KCNK10: variants seen among roughly 807,000 people sequenced by gnomAD.
KCNK10 encodes potassium channel subfamily K member 10.
A neutral mutation model predicts 47.7 loss-of-function variants in KCNK10; 25 were observed. That is an observed-to-expected ratio of 0.52 (90% confidence interval 0.38 to 0.73). The LOEUF (loss-of-function observed/expected upper bound fraction) is 0.73, where lower values mean the gene tolerates loss of function less well. KCNK10 is among the 30% of genes least tolerant of loss of function. The pLI is 0.00. For missense variants in KCNK10, 563 were observed against 714.5 expected (o/e 0.79, Z 2.42); for synonymous variants, 303 against 285.6 (o/e 1.06, Z -0.61).
intron 4 of KCNK10, among the ~76,000 whole-genome samples, chr14:88,195,050 T>C (rs577714898): frequency 8.6e-5 from 13 of 151,708 alleles, no homozygotes; most frequent in Non-Finnish European, 1.6e-4. Flanking sequence ...GTTGCCTTAA[T>C]TGAACATTTT....
At chr14:88,193,586 T>C (rs1884818454) in intron 4 of KCNK10, among the ~76,000 whole-genome samples, 1 of 152,200 alleles carries the variant, frequency 6.6e-6, no homozygotes, top group Non-Finnish European at 1.5e-5. Flanking sequence ...TCTGCAAACG[T>C]ACACCACATT....
rs1163487185 is a variant in KCNK10 at position 88,185,998 on chromosome 14, C to A, written c.1169G>T (p.Arg390Leu). The change falls in exon 7 of 7, where the codon CGG becomes CTG. Residue 390 changes from arginine (R) to leucine (L), a missense_variant. Transcript: ENST00000319231. The surrounding 1 kb of genome is among the most constrained non-coding windows in gnomAD (Gnocchi z 4.3). Reference protein sequence around the residue: ...MERRRLGLDQRAHSLDMLSPE... With the variant: ...MERRRLGLDQLAHSLDMLSPE... ...GGACAGCATGTCCAGTGAGTGGGCC[C>A]GCTGGTCCAGGCCCAGCCGCCGGCG... is the stretch of plus-strand genomic sequence containing the variant. 6.2e-7 allele frequency: 1 copy of A among 1,613,532 alleles called. No homozygotes were observed. Among genetic ancestry groups the A allele is most frequent in the Non-Finnish European group, 8.5e-7 (1 of 1,179,956 alleles).
At chr14:88,293,118 G>T (rs1595125645) in intron 1 of KCNK10, among the ~76,000 whole-genome samples, 1 of 152,352 alleles carries the variant, frequency 6.6e-6, no homozygotes, top group East Asian at 1.9e-4. Context: ...GAAGGTAGGA[G>T]TTGAAGATAA....
upstream of KCNK10, chr14:88,326,595 CAA>C (rs1426871205): frequency 1.5e-6 from 1 of 667,546 alleles, no homozygotes; most frequent in Non-Finnish European, 2.6e-6. Context: ...CATCGTGGCG[CAA>C]AGTCTCCCTG....
At chr14:88,324,042 C>G (rs1653418756), upstream of KCNK10, among the ~76,000 whole-genome samples, 1 of 152,178 alleles carries the variant, frequency 6.6e-6, no homozygotes, top group Non-Finnish European at 1.5e-5. Flanking sequence ...TGCAGCCGGA[C>G]TGGGGCCGCT....
chr14:88,287,383 T>C (rs1031239301), intron 1 of KCNK10, among the ~76,000 whole-genome samples: 2 of 152,178 alleles, frequency 1.3e-5, no homozygotes, highest in East Asian at 1.9e-4. Flanking sequence ...GACTAAGCTC[T>C]TTAGTGGTGA....
intron 4 of KCNK10, among the ~76,000 whole-genome samples, chr14:88,207,358 A>G (rs1158224165): frequency 6.6e-6 from 1 of 151,794 alleles, no homozygotes; most frequent in Non-Finnish European, 1.5e-5. Flanking sequence ...TATTTTTTAG[A>G]GGAGACGGGG....
At chr14:88,258,627 C>T (rs1484524260) in intron 2 of KCNK10, among the ~76,000 whole-genome samples, 1 of 152,154 alleles carries the variant, frequency 6.6e-6, no homozygotes, top group African/African-American at 2.4e-5. Flanking sequence ...TGGCATGTTA[C>T]CTGATACATG....
intron 1 of KCNK10, among the ~76,000 whole-genome samples, chr14:88,311,165 T>C (rs1272382329): frequency 6.6e-6 from 1 of 152,156 alleles, no homozygotes; most frequent in Non-Finnish European, 1.5e-5. Flanking sequence ...CCTACAAGAA[T>C]ACACAGATAC....
intron 4 of KCNK10, among the ~76,000 whole-genome samples, chr14:88,202,235 C>T (rs1885124940): frequency 6.6e-6 from 1 of 152,194 alleles, no homozygotes; most frequent in Admixed American, 6.5e-5. Context: ...AATGATACTG[C>T]CATAGGTCGC....
chr14:88,240,778 T>G lies in KCNK10; in HGVS notation c.445A>C (p.Asn149His). 2 of 1,613,862 alleles carry G rather than the reference T, an allele frequency of 1.2e-6. No individual in the cohort carries two copies. Among genetic ancestry groups the G allele is most frequent in the Non-Finnish European group, 1.7e-6 (2 of 1,179,804 alleles). ...CAGTGGCTGCTGTTGTTGGAAGAGT[T>G]TCCTATTGGACTGACTCCCGCATTG... The part of the protein sequence containing the change: ...ADNAGVSPIG[N>H]SSNNSSHWDL... Residue 149 changes from asparagine to histidine, a missense_variant, in exon 3 of 7, where the codon AAC becomes CAC. Asn to His is a moderately conservative substitution (Grantham distance 68). Coordinates refer to ENST00000319231, the MANE Select transcript of KCNK10 (RefSeq NM_138317.3).
chr14:88,269,036 G>A (rs1379241245), intron 1 of KCNK10, among the ~76,000 whole-genome samples: 1 of 152,174 alleles, frequency 6.6e-6, no homozygotes, highest in African/African-American at 2.4e-5. Flanking sequence ...TACTCGGGAG[G>A]CTGAGGCAGA....
At position 88,323,003 on chromosome 14, in the gene KCNK10, A is replaced by C. The variant is rs902500194; in HGVS notation, c.-205T>G. 5.0e-6 allele frequency: 7 copies of C among 1,400,544 alleles called. No homozygotes were observed. In the African/African-American group the frequency reaches 1.0e-4, roughly 20 times the overall value. The allele number at this position is 1,400,544 out of a possible 1,614,324, so 86.8% of individuals were successfully genotyped here. A position where few individuals can be genotyped will look rare whatever the true frequency, so the allele number is the denominator to read the frequency against. ...AACTGGAGAGGGCTTGGGTGTTTGCACCGGCCAGGGGGTGGCCGGCCGCGG... is the reference window on the plus strand; with the variant it reads ...AACTGGAGAGGGCTTGGGTGTTTGCCCCGGCCAGGGGGTGGCCGGCCGCGG... On this transcript the variant is annotated 5_prime_UTR_variant, in exon 1 of 7. Coordinates refer to ENST00000319231, the MANE Select transcript of KCNK10 (RefSeq NM_138317.3).
Position 88,180,954 on chromosome 14 carries a change from C to T in KCNK10, c.*4581G>A, listed in dbSNP as rs1884326356. 1 of 397,676 alleles carries T rather than the reference C, an allele frequency of 2.5e-6. No homozygotes were observed. Among genetic ancestry groups the T allele is most frequent in the East Asian group, 3.5e-5 (1 of 28,194 alleles). 24.6% of individuals were successfully genotyped at this position (397,676 alleles called of 1,614,324 possible). A position where few individuals can be genotyped will look rare whatever the true frequency, so the allele number is the denominator to read the frequency against. ...TTTTCTTTTTAAGGCCATTACTAGC[C>T]AGCTCTTACTGTTCACTCAGCCACT... is the stretch of plus-strand genomic sequence containing the variant. On this transcript the variant is annotated 3_prime_UTR_variant, in exon 7 of 7. Transcript: ENST00000319231.
At chr14:88,267,108 T>C (rs960196508) in intron 1 of KCNK10, among the ~76,000 whole-genome samples, 4 of 152,242 alleles carry the variant, frequency 2.6e-5, no homozygotes, top group Admixed American at 1.3e-4. Context: ...GTTTGCTTAC[T>C]GTGAAATGTG....
intron 4 of KCNK10, among the ~76,000 whole-genome samples, chr14:88,199,076 C>T (rs114647457): frequency 0.021 from 3,256 of 152,040 alleles, 65 homozygotes; most frequent in African/African-American, 0.045. Context: ...CGCACCGCCA[C>T]GCCCAGCTAA....
intron 1 of KCNK10, among the ~76,000 whole-genome samples, chr14:88,306,105 G>C (rs1412505636): frequency 1.3e-5 from 2 of 152,210 alleles, no homozygotes; most frequent in African/African-American, 2.4e-5. Flanking sequence ...CAGGAGGATA[G>C]GGACAGGCAC....
At chr14:88,222,395 C>T (rs1028361696) in intron 4 of KCNK10, among the ~76,000 whole-genome samples, 7 of 151,992 alleles carry the variant, frequency 4.6e-5, no homozygotes, top group East Asian at 1.9e-4. Flanking sequence ...GTTAGGAGAA[C>T]GGGATTGATG....
chr14:88,321,545 A>C (rs1271296036), intron 1 of KCNK10, among the ~76,000 whole-genome samples: 1 of 152,152 alleles, frequency 6.6e-6, no homozygotes, highest in African/African-American at 2.4e-5. Flanking sequence ...TTCTCCCCCC[A>C]AAAAAGCAAA....
Sources: gnomAD v4.1 joint callset for allele counts (sites outside exome capture counted in the v4.1 genomes callset) on GRCh38, gnomAD v4.1.1 for gene constraint, Gnocchi (gnomAD v3.1) non-coding constraint, MANE v1.5 for transcripts, NCBI Gene and HGNC (gene_info 2026-07-23, HGNC 2026-07-21) for gene names.